WDR7: variants seen among roughly 807,000 people sequenced by gnomAD.
WDR7 encodes WD repeat-containing protein 7.
Under a neutral mutation model 169.4 loss-of-function variants are expected in WDR7, and 46 were observed. The ratio of observed to expected loss-of-function variants is 0.27; its 90% CI spans 0.21 to 0.35. The LOEUF (loss-of-function observed/expected upper bound fraction) is 0.35. WDR7 is among the 10% of genes least tolerant of loss of function. The pLI is 1.00. For missense variants in WDR7, 1,534 were observed against 1,859.3 expected (o/e 0.83, Z 3.22); for synonymous variants, 612 against 666.8 (o/e 0.92, Z 1.27).
chr18:56,880,139 C>A lies in WDR7; in HGVS notation c.3500C>A (p.Ser1167Tyr). 4 of 1,613,980 alleles carry A rather than the reference C, an allele frequency of 2.5e-6. No individual in the cohort carries two copies. Among genetic ancestry groups the A allele is most frequent in the South Asian group, 1.1e-5 (1 of 91,048 alleles). The change falls in exon 21 of 28, where the codon TCC becomes TAC. Residue 1167 changes from serine (S) to tyrosine (Y), a missense_variant. Physicochemically the swap from Ser to Tyr is moderately radical, Grantham distance 144 (BLOSUM62 -2). Transcript: ENST00000254442. ...GGATTCGGGTTGACTAGTGGTGGAT[C>A]CAACTACTCGCTGGCCAGACATACT... ...PEGFGLTSGGSNYSLARHTCK... is the reference protein window; with the variant it reads ...PEGFGLTSGGYNYSLARHTCK...
At chr18:56,712,561 T>G (rs1271113011) in intron 12 of WDR7, among the ~76,000 whole-genome samples, 6 of 152,208 alleles carry the variant, frequency 3.9e-5, no homozygotes, top group Non-Finnish European at 8.8e-5. Flanking sequence ...ATTCTGTTGA[T>G]TGTTGTTAGC....
chr18:56,823,970 T>C (rs2045151781), intron 20 of WDR7, among the ~76,000 whole-genome samples: 1 of 152,188 alleles, frequency 6.6e-6, no homozygotes, highest in Non-Finnish European at 1.5e-5. Context: ...AGAAGCCAGT[T>C]CATCACCCTT....
rs2043899722 is a variant in WDR7, at chr18:56,756,874, G to C, written c.2281G>C (p.Asp761His). 3 of 1,613,944 alleles carry C rather than the reference G, an allele frequency of 1.9e-6. No homozygotes were observed. The highest frequency in any genetic ancestry group is 2.2e-5 in the East Asian group (1 of 44,884). Residue 761 changes from aspartate (D) to histidine (H), a missense_variant, in exon 15 of 28, where the codon GAT becomes CAT. Asp to His is a moderately conservative substitution (Grantham distance 81, BLOSUM62 -1). Coordinates refer to ENST00000254442, the MANE Select transcript of WDR7 (RefSeq NM_015285.3). ...KENIKEHLLD[D>H]EEEDEEIMRQ... ...GAACATCAAGGAACACCTCCTTGAT[G>C]ATGAAGAGGAGGATGAGGAGATAAT... is the stretch of plus-strand genomic sequence containing the variant.
rs115187113 is a variant in WDR7, at chr18:56,749,963, T to G, written c.1990-6620T>G. Among the ~76,000 whole-genome samples, 914 of 151,928 alleles carry G rather than the reference T, an allele frequency of 6.0e-3. 10 individuals carry two copies. Among genetic ancestry groups the G allele is most frequent in the African/African-American group, 0.021 (864 of 41,506 alleles). ...TCATCAACATGTTTTCCTCTGCAGA[T>G]TCTAAGTTATTGCTTTTTTGTTGCT... On this transcript the variant is annotated intron_variant, in intron 14 of 27. Coordinates refer to ENST00000254442, the MANE Select transcript of WDR7 (RefSeq NM_015285.3).
intron 26 of WDR7, chr18:57,010,414 T>G (rs973417477): frequency 9.4e-6 from 4 of 423,528 alleles, no homozygotes; most frequent in African/African-American, 8.6e-5. Flanking sequence ...TCTTTAAGTA[T>G]GGCTGTGTAA....
chr18:56,685,414 C>T (rs754602650), intron 5 of WDR7, among the ~76,000 whole-genome samples: 2 of 152,196 alleles, frequency 1.3e-5, no homozygotes, highest in Non-Finnish European at 2.9e-5. Context: ...CTTTCCAATG[C>T]TCATCCTCTC....
intron 27 of WDR7, among the ~76,000 whole-genome samples, chr18:57,022,609 A>G (rs2048307666): frequency 6.6e-6 from 1 of 152,224 alleles, no homozygotes; most frequent in Admixed American, 6.5e-5. Context: ...GGAGTATTTT[A>G]AATGAAATTT....
rs1422243377 is a variant in WDR7, at chr18:56,781,630, C to T, written c.3164C>T (p.Pro1055Leu). The change falls in exon 19 of 28, where the codon CCT (proline) becomes CTT (leucine). Residue 1055 changes from proline (P) to leucine (L), a missense_variant. By Grantham distance (98) the Pro-to-Leu change is moderately conservative. Transcript: ENST00000254442. ...EAIDAWAPYL[P>L]QYIDHVISPG... Reference sequence around the variant, plus strand: ...ATTGATGCCTGGGCTCCTTACTTACCTCAGTACATAGACCACGTCATATCA... The same window carrying T: ...ATTGATGCCTGGGCTCCTTACTTACTTCAGTACATAGACCACGTCATATCA... 1 of 1,611,410 alleles carries T rather than the reference C, an allele frequency of 6.2e-7. No homozygotes were observed. The highest frequency in any genetic ancestry group is 1.1e-5 in the South Asian group (1 of 90,688).
At chr18:56,718,710 TC>T (rs1172244821) in intron 13 of WDR7, among the ~76,000 whole-genome samples, 11 of 152,332 alleles carry the variant, frequency 7.2e-5, no homozygotes, top group African/African-American at 2.6e-4. Context: ...GCTGTGGTTT[TC>T]CCTCAGAAAT....
chr18:56,797,260 G>C (rs1474491514), intron 19 of WDR7, among the ~76,000 whole-genome samples: 1 of 152,134 alleles, frequency 6.6e-6, no homozygotes, highest in Non-Finnish European at 1.5e-5. Context: ...TGTAGAAGGG[G>C]CCCCTGTGAG....
At chr18:56,960,568 G>A (rs768533011) in intron 25 of WDR7, among the ~76,000 whole-genome samples, 5 of 152,082 alleles carry the variant, frequency 3.3e-5, no homozygotes, top group Admixed American at 6.6e-5. Flanking sequence ...ACCATAATAA[G>A]ACATACATTA....
At chr18:56,656,499 C>T (rs528353081) in intron 1 of WDR7, among the ~76,000 whole-genome samples, 3 of 151,542 alleles carry the variant, frequency 2.0e-5, no homozygotes, top group Non-Finnish European at 4.4e-5. Context: ...AAGCTGGTCT[C>T]GAACTCCTGA....
At chr18:56,676,272 G>A (rs1459678178) in intron 2 of WDR7, among the ~76,000 whole-genome samples, 1 of 152,068 alleles carries the variant, frequency 6.6e-6, no homozygotes, top group East Asian at 1.9e-4. Flanking sequence ...TATAGGTGAA[G>A]TGTGTTTCTT....
chr18:56,721,676 A>G (rs2026325509), intron 13 of WDR7: 1 of 152,240 alleles, frequency 6.6e-6, no homozygotes, highest in African/African-American at 2.4e-5. Context: ...CCCAGTAAGT[A>G]TGCAGTGCCA....
intron 19 of WDR7, among the ~76,000 whole-genome samples, chr18:56,806,039 T>A (rs12327452): frequency 5.3e-5 from 8 of 152,080 alleles, no homozygotes; most frequent in African/African-American, 1.9e-4. Context: ...CAAGACCCAA[T>A]TCAAATATTT....
intron 20 of WDR7, among the ~76,000 whole-genome samples, chr18:56,870,427 A>G (rs1466809340): frequency 6.6e-6 from 1 of 150,982 alleles, no homozygotes; most frequent in Non-Finnish European, 1.5e-5. Context: ...ATTCTAAAAC[A>G]TGTTTTAAAA....
chr18:56,939,818 CG>C (rs1184465722), intron 25 of WDR7, among the ~76,000 whole-genome samples: 1 of 151,918 alleles, frequency 6.6e-6, no homozygotes, highest in Admixed American at 6.6e-5. Context: ...CTTTGCATTA[CG>C]TTCTCTTAAG....
intron 16 of WDR7, among the ~76,000 whole-genome samples, chr18:56,766,901 CTGTGCTTT>C (rs2044077124): frequency 6.6e-6 from 1 of 152,202 alleles, no homozygotes; most frequent in African/African-American, 2.4e-5. Flanking sequence ...TCCTTGTGGA[CTGTGCTTT>C]CCTGCCTCTT....
In WDR7 at chr18:56,937,239, G is replaced by A. The variant is rs545068547; in HGVS notation, c.3832-1294G>A. On this transcript the variant is annotated intron_variant, in intron 23 of 27. Transcript: ENST00000254442. ...CCACATTTATTACCTTTAAAAAGAA[G>A]TTTTCAGCCTGGTACTGTGGCATGT... 1.1e-3 allele frequency among the ~76,000 whole-genome samples: 172 copies of A among 152,246 alleles called. 1 individual carries two copies. The highest frequency in any genetic ancestry group is 4.0e-3 in the African/African-American group (167 of 41,560).
Sources: gnomAD v4.1 joint callset for allele counts (sites outside exome capture counted in the v4.1 genomes callset) on GRCh38, gnomAD v4.1.1 for gene constraint, MANE v1.5 for transcripts, NCBI Gene and HGNC (gene_info 2026-07-23, HGNC 2026-07-21) for gene names.